Variants in PIGK observed in about 807,000 individuals in gnomAD.
PIGK encodes GPI-anchor transamidase.
In PIGK, 42 loss-of-function variants were observed where a neutral mutation model predicts 50.6. The ratio of observed to expected loss-of-function variants is 0.83; its 90% confidence interval spans 0.65 to 1.07. The LOEUF is 1.07. Ranked by LOEUF, PIGK falls within the 50% of genes least tolerant of loss-of-function variation. PIGK has a pLI of 0.00. For missense variants in PIGK, 448 were observed against 488.7 expected (o/e 0.92, Z 0.78); for synonymous variants, 151 against 156.0 (o/e 0.97, Z 0.24).
At chr1:77,107,728 C>A (rs1022278802) in intron 10 of PIGK, among the ~76,000 whole-genome samples, 10 of 152,072 alleles carry the variant, frequency 6.6e-5, no homozygotes, top group Non-Finnish European at 7.4e-5. Context: ...GAGTCTAAGT[C>A]TCTTTGTAGG....
intron 1 of PIGK, among the ~76,000 whole-genome samples, chr1:77,213,317 CA>C (rs1363138035): frequency 2.0e-5 from 3 of 152,078 alleles, no homozygotes; most frequent in Non-Finnish European, 4.4e-5. Context: ...GTGGTAGGCA[CA>C]AAACAAGCCT....
chr1:77,103,127 A>C (rs539267111), intron 10 of PIGK, among the ~76,000 whole-genome samples: 1 of 152,300 alleles, frequency 6.6e-6, no homozygotes, highest in South Asian at 2.1e-4. Context: ...CTGAGTCCTA[A>C]TTGTATCACA....
intron 10 of PIGK, among the ~76,000 whole-genome samples, chr1:77,108,118 T>C (rs1191112908): frequency 6.6e-6 from 1 of 152,204 alleles, no homozygotes; most frequent in African/African-American, 2.4e-5. Flanking sequence ...ATGTGTGAAT[T>C]TGATCCTGTC....
chr1:77,201,197 G>A (rs2100582730), intron 3 of PIGK, among the ~76,000 whole-genome samples: 2 of 152,220 alleles, frequency 1.3e-5, no homozygotes, highest in South Asian at 4.2e-4. Context: ...TCTACTTACA[G>A]AAACATTACC....
Position 77,154,435 on chromosome 1 carries a change from T to A in PIGK, c.986+14A>T, listed in dbSNP as rs1654962808. ...GACTAGTATTCTATTCAAATAATGG[T>A]TTAAGATGAATACCTGCTTTCCATG... is the stretch of plus-strand genomic sequence containing the variant. On this transcript the variant is annotated intron_variant, in intron 9 of 10. Transcript: ENST00000370812. 6.3e-7 allele frequency: 1 copy of A among 1,583,430 alleles called. No individual in the cohort carries two copies. Among genetic ancestry groups the A allele is most frequent in the South Asian group, 1.1e-5 (1 of 90,200 alleles).
chr1:77,191,494 G>T (rs1448232590), intron 3 of PIGK, among the ~76,000 whole-genome samples: 2 of 152,184 alleles, frequency 1.3e-5, no homozygotes, highest in East Asian at 3.9e-4. Flanking sequence ...TTAGAGTGCT[G>T]CAAGCAATTT....
intron 4 of PIGK, among the ~76,000 whole-genome samples, chr1:77,167,231 G>C (rs957921392): frequency 6.6e-6 from 1 of 152,092 alleles, no homozygotes; most frequent in Admixed American, 6.5e-5. Flanking sequence ...TGCTCCTGTA[G>C]TTCTAGCTAC....
At chr1:77,126,899 G>T (rs773734154) in intron 9 of PIGK, among the ~76,000 whole-genome samples, 14 of 152,062 alleles carry the variant, frequency 9.2e-5, no homozygotes, top group Non-Finnish European at 1.9e-4. Context: ...CCCCCTAAAA[G>T]AATGTTCTTT....
chr1:77,164,486 T>G (rs1655194392), intron 5 of PIGK, among the ~76,000 whole-genome samples: 1 of 152,214 alleles, frequency 6.6e-6, no homozygotes, highest in South Asian at 2.1e-4. Flanking sequence ...TATCATTAGC[T>G]TACTTATACA....
chr1:77,144,187 G>T (rs1450447292), intron 9 of PIGK, among the ~76,000 whole-genome samples: 1 of 151,898 alleles, frequency 6.6e-6, no homozygotes, highest in Non-Finnish European at 1.5e-5. Context: ...CAATAAGTAA[G>T]TCTGTTAACT....
At chr1:77,164,464 T>A (rs937191938) in intron 5 of PIGK, among the ~76,000 whole-genome samples, 3 of 152,170 alleles carry the variant, frequency 2.0e-5, no homozygotes, top group Non-Finnish European at 4.4e-5. Flanking sequence ...GTGAGAAATG[T>A]ATCTGCAACA....
In PIGK at chr1:77,092,510, T is replaced by G; in HGVS notation, c.1072-20A>C. 1 of 1,236,664 alleles carries G rather than the reference T, an allele frequency of 8.1e-7. No individual in the cohort carries two copies. Among genetic ancestry groups the G allele is most frequent in the Non-Finnish European group, 1.2e-6 (1 of 852,700 alleles). 76.6% of individuals were successfully genotyped at this position (1,236,664 alleles called of 1,614,324 possible). ...CGGTTTCTGCAAAACAAGAATAACATGATAAATTTTATAACAGGTAAATAA... is the reference window on the plus strand; with the variant it reads ...CGGTTTCTGCAAAACAAGAATAACAGGATAAATTTTATAACAGGTAAATAA... On this transcript the variant is annotated intron_variant, in intron 10 of 10. Transcript: ENST00000370812.
intron 10 of PIGK, among the ~76,000 whole-genome samples, chr1:77,096,268 A>G (rs956212717): frequency 6.6e-6 from 1 of 152,144 alleles, no homozygotes; most frequent in African/African-American, 2.4e-5. Flanking sequence ...CATTCATCCA[A>G]TTGTATGTTA....
intron 3 of PIGK, among the ~76,000 whole-genome samples, chr1:77,171,111 G>T (rs4399204): frequency 1.3e-5 from 2 of 151,630 alleles, no homozygotes; most frequent in Admixed American, 6.6e-5. Flanking sequence ...TGTTAAACAA[G>T]ACTGAATTGA....
chr1:77,161,523 G>A (rs1169910570), intron 7 of PIGK, 71 bp downstream of exon 7: 1 of 949,308 alleles, frequency 1.1e-6, no homozygotes, highest in South Asian at 1.3e-5. Flanking sequence ...CATTCATAAA[G>A]CATTTAATTG....
At chr1:77,129,470 G>GA (rs71588885) in intron 9 of PIGK, 117,291 of 1,471,768 alleles carry the variant, frequency 0.08, 5,081 homozygotes, top group African/African-American at 0.21. Flanking sequence ...ATATCCAAGT[G>GA]AACAAAGCAC....
intron 3 of PIGK, among the ~76,000 whole-genome samples, chr1:77,189,884 C>G (rs1255401528): frequency 6.6e-6 from 1 of 151,378 alleles, no homozygotes; most frequent in African/African-American, 2.4e-5. Flanking sequence ...ATAAAATAAG[C>G]ACATTACAAG....
chr1:77,090,897 T>TGC lies in PIGK; in HGVS notation c.*1476_*1477insGC, dbSNP rs1557788393. The TGC allele has an allele frequency of 2.0e-4, 30 of 152,234 alleles. No individual in the cohort carries two copies. Among genetic ancestry groups the TGC allele is most frequent in the African/African-American group, 6.5e-4 (27 of 41,470 alleles). 9.4% of individuals were successfully genotyped at this position (152,234 alleles called of 1,614,324 possible). A position where few individuals can be genotyped will look rare whatever the true frequency, so the allele number is the denominator to read the frequency against. ...TGGCAAAAAGCCTCAATATCATTTG[T>TGC]TCTAACTAGGGAGATAACACAGTCA... On this transcript the variant is annotated 3_prime_UTR_variant, in exon 11 of 11. Transcript: ENST00000370812.
At chr1:77,170,167 C>G (rs1655328232) in intron 3 of PIGK, among the ~76,000 whole-genome samples, 1 of 152,162 alleles carries the variant, frequency 6.6e-6, no homozygotes. Context: ...AAGGACTCCC[C>G]ATTATATCTT....
Sources: gnomAD v4.1 joint callset for allele counts (sites outside exome capture counted in the v4.1 genomes callset) on GRCh38, gnomAD v4.1.1 for gene constraint, MANE v1.5 for transcripts, NCBI Gene and HGNC (gene_info 2026-07-23, HGNC 2026-07-21) for gene names.